LRRTM4: variants seen among roughly 807,000 people sequenced by gnomAD.
LRRTM4 encodes leucine-rich repeat transmembrane neuronal protein 4.
A neutral mutation model predicts 47.6 loss-of-function variants in LRRTM4; 25 were observed. That is an observed-to-expected ratio of 0.53 (90% CI 0.38 to 0.73). LRRTM4 has a LOEUF of 0.73. Ranked by LOEUF, LRRTM4 falls within the 30% of genes least tolerant of loss-of-function variation. LRRTM4 has a pLI of 0.00. For synonymous variants in LRRTM4, 311 were observed against 269.5 expected (o/e 1.15, Z -1.51); for missense variants, 638 against 713.4 (o/e 0.89, Z 1.20).
At chr2:77,297,796 G>A (rs749903996) in intron 3 of LRRTM4, among the ~76,000 whole-genome samples, 1 of 152,122 alleles carries the variant, frequency 6.6e-6, no homozygotes, top group Non-Finnish European at 1.5e-5. Flanking sequence ...CACTTTATGG[G>A]TCTTCATGCT....
chr2:76,813,295 T>A lies in LRRTM4; in HGVS notation c.1552-64379A>T, dbSNP rs148705148. ...TTTATAGGAATGATTTTTCTTTACA[T>A]AAATCATCAGGAGTGGTATAATCTT... On this transcript the variant is annotated intron_variant, in intron 3 of 3. Coordinates refer to ENST00000409884, the MANE Select transcript of LRRTM4 (RefSeq NM_001134745.3). Among the ~76,000 whole-genome samples, 3 of 152,304 alleles carry A rather than the reference T, an allele frequency of 2.0e-5. No homozygotes were observed. In the East Asian group the frequency reaches 5.8e-4, roughly 29 times the overall value.
chr2:76,753,022 A>T (rs1672904110), intron 3 of LRRTM4, among the ~76,000 whole-genome samples: 1 of 152,198 alleles, frequency 6.6e-6, no homozygotes, highest in Admixed American at 6.5e-5. Context: ...TAAAAATCAC[A>T]TAGAGAAATA....
At chr2:77,156,294 T>A (rs2103796256) in intron 3 of LRRTM4, among the ~76,000 whole-genome samples, 1 of 133,802 alleles carries the variant, frequency 7.5e-6, no homozygotes. Context: ...GAAATATATG[T>A]AAAACAACAA....
At chr2:77,445,548 A>T (rs574908079) in intron 3 of LRRTM4, among the ~76,000 whole-genome samples, 1 of 151,886 alleles carries the variant, frequency 6.6e-6, no homozygotes, top group East Asian at 1.9e-4. Context: ...TCTCTGTAAC[A>T]TGGGGGTGAA....
chr2:77,350,795 C>G (rs897339480), intron 3 of LRRTM4, among the ~76,000 whole-genome samples: 26 of 151,160 alleles, frequency 1.7e-4, no homozygotes, highest in African/African-American at 6.4e-4. Context: ...ATTCAGAAAC[C>G]ATATGAAATA....
At chr2:76,968,385 C>CACAT (rs1285889783) in intron 3 of LRRTM4, among the ~76,000 whole-genome samples, 17 of 79,630 alleles carry the variant, frequency 2.1e-4, no homozygotes, top group African/African-American at 4.6e-4. Flanking sequence ...TATATATATA[C>CACAT]ACATACATAC....
At chr2:77,213,324 C>G (rs1038162573) in intron 3 of LRRTM4, among the ~76,000 whole-genome samples, 3 of 152,092 alleles carry the variant, frequency 2.0e-5, no homozygotes, top group Admixed American at 2.0e-4. Context: ...GTTAGATAAA[C>G]TGGATCTTAA....
chr2:77,211,096 T>C (rs1674280487), intron 3 of LRRTM4, among the ~76,000 whole-genome samples: 1 of 148,714 alleles, frequency 6.7e-6, no homozygotes, highest in African/African-American at 2.5e-5. Context: ...TAATTCAATA[T>C]GGGGAAATAG....
At chr2:76,804,195 C>T (rs185938111) in intron 3 of LRRTM4, among the ~76,000 whole-genome samples, 6 of 152,158 alleles carry the variant, frequency 3.9e-5, no homozygotes, top group African/African-American at 1.4e-4. Flanking sequence ...TCTTGGGCAC[C>T]CCTGACACAG....
Position 77,521,715 on chromosome 2 carries a change from C to A in LRRTM4, c.-44G>T, listed in dbSNP as rs1448209013. 3 of 1,610,656 alleles carry A rather than the reference C, an allele frequency of 1.9e-6. No individual in the cohort carries two copies. The highest frequency in any genetic ancestry group is 2.5e-6 in the Non-Finnish European group (3 of 1,178,424). The stretch of plus-strand genomic sequence containing the variant: ...GTTTCCCCCCTCTCTCAGCTTTCTT[C>A]TTATTTGGTCTCTTGTGCGGAAACC... On this transcript the variant is annotated 5_prime_UTR_variant, in exon 2 of 4. Transcript: ENST00000409884.
chr2:77,253,708 T>C (rs1442721082), intron 3 of LRRTM4, among the ~76,000 whole-genome samples: 2 of 152,006 alleles, frequency 1.3e-5, no homozygotes, highest in Non-Finnish European at 2.9e-5. Context: ...GATATAATTA[T>C]AAAATAGAAG....
intron 3 of LRRTM4, among the ~76,000 whole-genome samples, chr2:77,488,971 C>T (rs1468706522): frequency 6.8e-6 from 1 of 147,268 alleles, no homozygotes; most frequent in East Asian, 2.1e-4. Context: ...GCACATAGTG[C>T]ACATGTACCC....
intron 3 of LRRTM4, among the ~76,000 whole-genome samples, chr2:77,193,156 G>A (rs1295829442): frequency 6.6e-6 from 1 of 152,130 alleles, no homozygotes; most frequent in African/African-American, 2.4e-5. Context: ...ATTGCCTACA[G>A]TATTTAATAC....
chr2:76,776,973 A>G (rs1336544976), intron 3 of LRRTM4, among the ~76,000 whole-genome samples: 2 of 132,626 alleles, frequency 1.5e-5, no homozygotes, highest in African/African-American at 5.8e-5. Flanking sequence ...AGCTTTCTAC[A>G]TATGGCTAGC....
chr2:77,294,596 T>C (rs1021433706), intron 3 of LRRTM4, among the ~76,000 whole-genome samples: 7 of 152,216 alleles, frequency 4.6e-5, no homozygotes, highest in South Asian at 4.1e-4. Context: ...GGCAGGAGAA[T>C]GCACATTAAT....
At chr2:76,807,390 A>ATG (rs1670519366) in intron 3 of LRRTM4, among the ~76,000 whole-genome samples, 1 of 127,558 alleles carries the variant, frequency 7.8e-6, no homozygotes, top group Non-Finnish European at 1.5e-5. Context: ...TTTTATATAT[A>ATG]TATATATATG....
intron 3 of LRRTM4, among the ~76,000 whole-genome samples, chr2:77,331,517 T>C (rs1056015937): frequency 1.3e-5 from 2 of 152,206 alleles, no homozygotes; most frequent in African/African-American, 4.8e-5. Flanking sequence ...TCTCCTTTTA[T>C]TGGGGGCTGC....
At chr2:77,173,543 A>C (rs1426157069) in intron 3 of LRRTM4, among the ~76,000 whole-genome samples, 1 of 152,102 alleles carries the variant, frequency 6.6e-6, no homozygotes, top group African/African-American at 2.4e-5. Flanking sequence ...GGTGATTTGA[A>C]CGGTCTTTAT....
At chr2:76,796,655 T>A (rs1675342783) in intron 3 of LRRTM4, among the ~76,000 whole-genome samples, 1 of 107,306 alleles carries the variant, frequency 9.3e-6, no homozygotes, top group African/African-American at 4.6e-5. Flanking sequence ...CAAAATCCCA[T>A]CTGTGCATCA....
Sources: allele counts gnomAD v4.1 joint callset (sites outside exome capture counted in the v4.1 genomes callset), GRCh38; gene constraint gnomAD v4.1.1; transcripts MANE v1.5; gene names NCBI Gene and HGNC (gene_info 2026-07-23, HGNC 2026-07-21).